ARHGAP24: variants seen among roughly 807,000 people sequenced by gnomAD.
ARHGAP24 encodes the protein rho GTPase-activating protein 24.
Under a neutral mutation model 76.4 loss-of-function variants are expected in ARHGAP24, and 50 were observed. The observed-to-expected ratio is 0.65, with a 90% confidence interval of 0.52 to 0.83. The LOEUF is 0.83. Among genes scored for constraint, ARHGAP24 ranks in the 40% least tolerant of loss-of-function variants. The pLI is 0.00. For missense variants in ARHGAP24, 930 were observed against 914.2 expected, an observed-to-expected ratio of 1.02 and a Z score of -0.22; for synonymous variants, 345 against 323.3, an observed-to-expected ratio of 1.07 and a Z score of -0.72.
At chr4:85,850,593 T>C (rs1731166597) in intron 3 of ARHGAP24, among the ~76,000 whole-genome samples, 1 of 152,222 alleles carries the variant, frequency 6.6e-6, no homozygotes, top group Non-Finnish European at 1.5e-5. Context: ...TTTAGTGCTA[T>C]AAATTTCCCT....
At chr4:85,979,055 A>G (rs1471512814) in intron 8 of ARHGAP24, among the ~76,000 whole-genome samples, 1 of 152,146 alleles carries the variant, frequency 6.6e-6, no homozygotes, top group Non-Finnish European at 1.5e-5. Context: ...GGATTTGTTG[A>G]TCCACGGATT....
At chr4:85,545,284 G>A (rs934211879) in intron 1 of ARHGAP24, among the ~76,000 whole-genome samples, 2 of 152,020 alleles carry the variant, frequency 1.3e-5, no homozygotes, top group Admixed American at 1.3e-4. Flanking sequence ...ATTTTTAGTA[G>A]AGACGGGGTT....
intron 2 of ARHGAP24, among the ~76,000 whole-genome samples, chr4:85,715,100 G>C (rs1724684705): frequency 6.6e-6 from 1 of 152,032 alleles, no homozygotes. Flanking sequence ...TAAATTACAT[G>C]CAAAGTGTTT....
chr4:85,602,039 G>T (rs549975119), intron 2 of ARHGAP24, among the ~76,000 whole-genome samples: 94 of 21,832 alleles, frequency 4.3e-3, no homozygotes, highest in African/African-American at 0.017. Flanking sequence ...GCCCACAAAG[G>T]CCCAGTGTTT....
chr4:85,931,696 T>C (rs1406557285), intron 4 of ARHGAP24, among the ~76,000 whole-genome samples: 1 of 152,194 alleles, frequency 6.6e-6, no homozygotes, highest in Non-Finnish European at 1.5e-5. Flanking sequence ...AAGACATTTC[T>C]GAATTGACTT....
intron 3 of ARHGAP24, among the ~76,000 whole-genome samples, chr4:85,733,220 C>G (rs1725484624): frequency 6.6e-6 from 1 of 151,560 alleles, no homozygotes. Context: ...CCCACCACCA[C>G]ACTTGGCTAA....
intron 2 of ARHGAP24, among the ~76,000 whole-genome samples, chr4:85,662,135 A>T (rs533614419): frequency 1.3e-3 from 199 of 152,338 alleles, no homozygotes; most frequent in African/African-American, 4.6e-3. Flanking sequence ...TCCCACCAAC[A>T]GTGTAAAAGT....
intron 3 of ARHGAP24, among the ~76,000 whole-genome samples, chr4:85,844,673 T>C (rs1472442012): frequency 1.1e-4 from 16 of 152,220 alleles, no homozygotes; most frequent in Non-Finnish European, 2.4e-4. Context: ...CCCGTATAAA[T>C]TGCAATGGGA....
At chr4:85,621,798 G>C (rs922968811) in intron 2 of ARHGAP24, among the ~76,000 whole-genome samples, 1 of 152,022 alleles carries the variant, frequency 6.6e-6, no homozygotes, top group Non-Finnish European at 1.5e-5. Context: ...TTTCATTTTT[G>C]TTGCATTTGC....
At chr4:85,841,974 AAG>A (rs1201361338) in intron 3 of ARHGAP24, among the ~76,000 whole-genome samples, 1 of 152,150 alleles carries the variant, frequency 6.6e-6, no homozygotes, top group Admixed American at 6.5e-5. Context: ...CTTTAGGTAA[AAG>A]GAACCAAAAT....
intron 3 of ARHGAP24, among the ~76,000 whole-genome samples, chr4:85,900,712 C>T (rs949973764): frequency 1.3e-5 from 2 of 152,152 alleles, no homozygotes; most frequent in African/African-American, 4.8e-5. Context: ...AGGGGTGAGC[C>T]ACTGCGCCCG....
intron 1 of ARHGAP24, among the ~76,000 whole-genome samples, chr4:85,554,435 G>A (rs993090444): frequency 2.0e-5 from 3 of 152,090 alleles, no homozygotes; most frequent in African/African-American, 7.2e-5. Flanking sequence ...ATCTTTCAAG[G>A]ACACTGGTGA....
intron 3 of ARHGAP24, among the ~76,000 whole-genome samples, chr4:85,872,427 A>T (rs1160945262): frequency 6.6e-6 from 1 of 150,540 alleles, no homozygotes; most frequent in Non-Finnish European, 1.5e-5. Context: ...CTCCCGAGTA[A>T]CTGGGATTAC....
At position 85,954,205 on chromosome 4, in the gene ARHGAP24, T is replaced by G. The variant is rs141553904; in HGVS notation, c.599+11932T>G. On this transcript the variant is annotated intron_variant, in intron 5 of 9. Coordinates refer to ENST00000395184, the MANE Select transcript of ARHGAP24 (RefSeq NM_001025616.3). ...CTGCAAATTAAAATACAGGAGGTAG[T>G]TAGTAGATAAAATGTTCATCCTTTA... Among the ~76,000 whole-genome samples the G allele has an allele frequency of 2.1e-4, 32 of 152,326 alleles. No individual in the cohort carries two copies. The East Asian group carries it at 6.0e-3, about 28-fold the overall frequency.
At chr4:85,577,445 G>T (rs1296366716) in intron 2 of ARHGAP24, among the ~76,000 whole-genome samples, 4 of 152,054 alleles carry the variant, frequency 2.6e-5, no homozygotes, top group Non-Finnish European at 4.4e-5. Flanking sequence ...GGATCAGATG[G>T]ACCAGACATG....
At chr4:85,759,806 T>C (rs1726667954) in intron 3 of ARHGAP24, among the ~76,000 whole-genome samples, 1 of 152,164 alleles carries the variant, frequency 6.6e-6, no homozygotes, top group Non-Finnish European at 1.5e-5. Flanking sequence ...TCAGCAGGCT[T>C]TATCAATTCT....
chr4:85,611,428 A>G (rs1222334755), intron 2 of ARHGAP24, among the ~76,000 whole-genome samples: 1 of 152,208 alleles, frequency 6.6e-6, no homozygotes, highest in Non-Finnish European at 1.5e-5. Flanking sequence ...TATCTCCACT[A>G]GATCCCATGA....
intron 2 of ARHGAP24, among the ~76,000 whole-genome samples, chr4:85,681,578 A>G (rs773391695): frequency 1.4e-4 from 21 of 152,354 alleles, no homozygotes; most frequent in East Asian, 9.6e-4. Context: ...GGAAATCACA[A>G]GATCACCCCA....
intron 3 of ARHGAP24, among the ~76,000 whole-genome samples, chr4:85,776,727 C>T (rs1414835082): frequency 6.6e-6 from 1 of 152,120 alleles, no homozygotes; most frequent in Non-Finnish European, 1.5e-5. Flanking sequence ...TCTGTGACTT[C>T]TCTTCACTCT....
Sources: allele counts gnomAD v4.1 joint callset (sites outside exome capture counted in the v4.1 genomes callset), GRCh38; gene constraint gnomAD v4.1.1; transcripts MANE v1.5; gene names NCBI Gene and HGNC (gene_info 2026-07-23, HGNC 2026-07-21).